The following RAPGEF4 variants were observed in gnomAD, a reference collection of about 807,000 sequenced individuals.
RAPGEF4 encodes RAP guanine-nucleotide-exchange factor (GEF) 4.
A neutral mutation model predicts 147.9 loss-of-function variants in RAPGEF4; 66 were observed. The ratio of observed to expected loss-of-function variants is 0.45; its 90% confidence interval spans 0.37 to 0.55. RAPGEF4 has a LOEUF of 0.55. Ranked by LOEUF, RAPGEF4 falls within the 20% of genes least tolerant of loss-of-function variation. The pLI is 0.00. For missense variants in RAPGEF4, 1,071 were observed against 1,257.3 expected (o/e 0.85, Z 2.24); for synonymous variants, 419 against 442.7 (o/e 0.95, Z 0.67).
At chr2:173,035,015 C>A (rs956775246) in intron 27 of RAPGEF4, among the ~76,000 whole-genome samples, 5 of 151,874 alleles carry the variant, frequency 3.3e-5, no homozygotes, top group African/African-American at 1.2e-4. Flanking sequence ...GGCACTAACA[C>A]CTCCACCCCC....
intron 5 of RAPGEF4, among the ~76,000 whole-genome samples, chr2:172,920,968 G>A (rs927267912): frequency 1.2e-4 from 19 of 152,020 alleles, no homozygotes; most frequent in East Asian, 3.9e-4. Context: ...TTCTGACTGC[G>A]TTTTTATGTC....
rs922884425 is a variant in RAPGEF4, at chr2:172,736,005, C to G, written c.22C>G (p.His8Asp). 6.8e-7 allele frequency: 1 copy of G among 1,479,924 alleles called. No individual in the cohort carries two copies. The allele number at this position is 1,479,924 out of a possible 1,614,324, so 91.7% of individuals were successfully genotyped here. The change falls in exon 1 of 31, where the codon CAT (histidine) becomes GAT (aspartate). Residue 8 changes from histidine (H) to aspartate (D), a missense_variant. By Grantham distance (81) the His-to-Asp change is moderately conservative (BLOSUM62 -1). Coordinates refer to ENST00000397081, the MANE Select transcript of RAPGEF4 (RefSeq NM_007023.4). ...CAACATGGTCGCTGCGCACGCTGCC[C>G]ATTCTTCCTCCTCTGCCGAGTGGAT... MVAAHAA[H>D]SSSSAEWIAC... is the part of the protein sequence containing the mutation.
chr2:172,854,589 T>C, intron 4 of RAPGEF4, among the ~76,000 whole-genome samples: 1 of 152,142 alleles, frequency 6.6e-6, no homozygotes, highest in Non-Finnish European at 1.5e-5. Context: ...TTTATATGAT[T>C]GGATTTAGGT....
intron 1 of RAPGEF4, among the ~76,000 whole-genome samples, chr2:172,747,840 C>T (rs1436105553): frequency 6.6e-6 from 1 of 152,188 alleles, no homozygotes; most frequent in African/African-American, 2.4e-5. Flanking sequence ...CCCTTCAGCT[C>T]CTGGCAACCA....
chr2:172,962,422 G>A (rs1392641324), intron 8 of RAPGEF4, among the ~76,000 whole-genome samples: 2 of 151,954 alleles, frequency 1.3e-5, no homozygotes, highest in African/African-American at 2.4e-5. Context: ...AATCTACAAA[G>A]GTTCTGGTTC....
At chr2:172,997,955 T>A (rs549109969) in intron 16 of RAPGEF4, among the ~76,000 whole-genome samples, 23 of 152,294 alleles carry the variant, frequency 1.5e-4, no homozygotes, top group African/African-American at 5.3e-4. Flanking sequence ...TTAATTAGGG[T>A]ATAGTAGATA....
At chr2:172,885,611 CA>C (rs1423957407) in intron 4 of RAPGEF4, among the ~76,000 whole-genome samples, 1 of 152,138 alleles carries the variant, frequency 6.6e-6, no homozygotes, top group African/African-American at 2.4e-5. Context: ...AAATGAGAGC[CA>C]AATGAAAGGG....
intron 2 of RAPGEF4, 80 bp from the exon 3 acceptor site, chr2:172,797,445 G>T: frequency 1.8e-6 from 2 of 1,103,360 alleles, no homozygotes; most frequent in Non-Finnish European, 1.3e-6. Context: ...AGACATGCTT[G>T]GACCAGTGAA....
At chr2:173,037,191 A>T (rs1406492586) in intron 29 of RAPGEF4, among the ~76,000 whole-genome samples, 1 of 152,194 alleles carries the variant, frequency 6.6e-6, no homozygotes, top group African/African-American at 2.4e-5. Flanking sequence ...TATAATAAAA[A>T]GTTTTTAATC....
chr2:172,942,162 T>C (rs961126935), intron 6 of RAPGEF4, among the ~76,000 whole-genome samples: 2 of 150,950 alleles, frequency 1.3e-5, no homozygotes, highest in African/African-American at 4.9e-5. Context: ...CTTAGCAATC[T>C]TGAAATATAC....
rs987524620 is a variant in RAPGEF4 at position 172,897,442 on chromosome 2, G to A, written c.445-20360G>A. Among the ~76,000 whole-genome samples the A allele has an allele frequency of 4.6e-5, 7 of 151,992 alleles. No homozygotes were observed. The East Asian group carries it at 5.8e-4, about 13-fold the overall frequency. ...GAGACAGGGTCTCGCTCTGTCACCC[G>A]GACCAGAGTGCAGTGGTGTAATCAT... On this transcript the variant is annotated intron_variant, in intron 4 of 30. Coordinates refer to ENST00000397081, the MANE Select transcript of RAPGEF4 (RefSeq NM_007023.4).
chr2:172,962,486 A>G (rs1318318077), intron 8 of RAPGEF4, among the ~76,000 whole-genome samples: 1 of 152,166 alleles, frequency 6.6e-6, no homozygotes, highest in Non-Finnish European at 1.5e-5. Context: ...TGTGATCTAG[A>G]TCTAGTATCT....
At chr2:172,809,065 G>T (rs1559052099) in intron 3 of RAPGEF4, among the ~76,000 whole-genome samples, 1 of 152,196 alleles carries the variant, frequency 6.6e-6, no homozygotes, top group Non-Finnish European at 1.5e-5. Context: ...TGCCTGGCTG[G>T]GTAAAGGAAA....
At chr2:173,039,918 G>C (rs1221956804) in intron 29 of RAPGEF4, among the ~76,000 whole-genome samples, 1 of 152,128 alleles carries the variant, frequency 6.6e-6, no homozygotes, top group Non-Finnish European at 1.5e-5. Flanking sequence ...AGCTGGGTGT[G>C]GTGGCTCATG....
intron 8 of RAPGEF4, among the ~76,000 whole-genome samples, chr2:172,964,151 T>G (rs1216074916): frequency 1.3e-5 from 2 of 152,196 alleles, no homozygotes; most frequent in Non-Finnish European, 2.9e-5. Context: ...GAAGGTCTTA[T>G]GTTTGGTTCA....
chr2:172,787,224 T>A (rs998292306), intron 1 of RAPGEF4, among the ~76,000 whole-genome samples: 11 of 151,792 alleles, frequency 7.2e-5, no homozygotes, highest in Non-Finnish European at 1.6e-4. Flanking sequence ...AAAATAAAAA[T>A]AAAAAAATTT....
intron 4 of RAPGEF4, among the ~76,000 whole-genome samples, chr2:172,829,082 A>G (rs1690004211): frequency 1.3e-5 from 2 of 152,220 alleles, no homozygotes; most frequent in South Asian, 4.1e-4. Context: ...CGGCCCCTCC[A>G]AGAGACCTGG....
intron 21 of RAPGEF4, among the ~76,000 whole-genome samples, chr2:173,017,794 C>A (rs1159445169): frequency 1.3e-5 from 2 of 152,110 alleles, no homozygotes; most frequent in Non-Finnish European, 2.9e-5. Flanking sequence ...ATTGCCCACC[C>A]CTGGGAAAAG....
chr2:172,813,685 A>G (rs1574921843), intron 3 of RAPGEF4, among the ~76,000 whole-genome samples: 1 of 138,840 alleles, frequency 7.2e-6, no homozygotes, highest in South Asian at 2.3e-4. Context: ...TCTCTAACTT[A>G]AAAAAAAAAA....
Sources: gnomAD v4.1 joint callset for allele counts (sites outside exome capture counted in the v4.1 genomes callset) on GRCh38, gnomAD v4.1.1 for gene constraint, MANE v1.5 for transcripts, NCBI Gene and HGNC (gene_info 2026-07-23, HGNC 2026-07-21) for gene names.